Variants in SH3KBP1 observed in about 807,000 individuals in gnomAD.
SH3KBP1 encodes the protein SH3 domain-containing kinase-binding protein 1.
In SH3KBP1, 8 loss-of-function variants were observed where a neutral mutation model predicts 50.1. That is an observed-to-expected ratio of 0.16 (90% CI 0.09 to 0.29). SH3KBP1 has a LOEUF of 0.29. SH3KBP1 is among the 10% of genes least tolerant of loss of function. SH3KBP1 has a pLI of 1.00. For synonymous variants in SH3KBP1, 227 were observed against 218.6 expected, an observed-to-expected ratio of 1.04 and a Z score of -0.34; for missense variants, 377 against 535.2, an observed-to-expected ratio of 0.70 and a Z score of 2.92.
At chrX:19,739,162 C>G (rs762892631) in intron 3 of SH3KBP1, among the ~76,000 whole-genome samples, 94 of 110,267 alleles carry the variant, frequency 8.5e-4, no homozygotes, top group Non-Finnish European at 1.6e-3. Context: ...TAAGTCATAT[C>G]TGCAATATTA....
intron 12 of SH3KBP1, among the ~76,000 whole-genome samples, chrX:19,583,165 A>ATTATTATTT: frequency 1.0e-5 from 1 of 96,558 alleles, no homozygotes; most frequent in South Asian, 4.4e-4. Flanking sequence ...TATTATTATT[A>ATTATTATTT]TTTTTGAGAC....
intron 5 of SH3KBP1, among the ~76,000 whole-genome samples, chrX:19,686,314 T>C (rs1168123891): frequency 8.9e-6 from 1 of 111,974 alleles, no homozygotes; most frequent in Non-Finnish European, 1.9e-5. Flanking sequence ...TAGTGATATA[T>C]CTTTTAGTGA....
At chrX:19,828,556 C>G (rs928555962) in intron 2 of SH3KBP1, among the ~76,000 whole-genome samples, 1 of 110,299 alleles carries the variant, frequency 9.1e-6, no homozygotes, top group Non-Finnish European at 1.9e-5. Context: ...CTGAGGCGGG[C>G]GGATCACTTG....
chrX:19,687,384 A>G lies in SH3KBP1; in HGVS notation c.521-3356T>C, dbSNP rs957577621. Among the ~76,000 whole-genome samples the G allele has an allele frequency of 5.3e-5, 6 of 112,412 alleles. No individual in the cohort carries two copies. In the East Asian group the frequency reaches 1.1e-3, roughly 21 times the overall value. On this transcript the variant is annotated intron_variant, in intron 5 of 17. Transcript: ENST00000397821. ...TGGCTCATGCACGCATATCACATAC[A>G]TGATAGAGGCAGAAAGCAAACAAAA... is the stretch of plus-strand genomic sequence containing the variant.
chrX:19,822,996 C>G (rs2067570306), intron 2 of SH3KBP1, among the ~76,000 whole-genome samples: 2 of 112,087 alleles, frequency 1.8e-5, no homozygotes, highest in Admixed American at 1.9e-4. Flanking sequence ...GATTCACATG[C>G]AGGTGGGTTA....
intron 12 of SH3KBP1, among the ~76,000 whole-genome samples, chrX:19,577,231 T>C (rs2066229084): frequency 9.0e-6 from 1 of 111,240 alleles, no homozygotes; most frequent in Non-Finnish European, 1.9e-5. Context: ...TGATTAAGGG[T>C]CATAAAAGCA....
chrX:19,788,269 C>CAAAAAAAAAAAAAAAAA (rs1227301099), intron 2 of SH3KBP1, among the ~76,000 whole-genome samples: 2 of 25,583 alleles, frequency 7.8e-5, no homozygotes, highest in African/African-American at 2.0e-4. Flanking sequence ...ATTCTATCTC[C>CAAAAAAAAAAAAAAAAA]AAAAAAAAAA....
chrX:19,821,036 A>G (rs2067509956), intron 2 of SH3KBP1, among the ~76,000 whole-genome samples: 1 of 111,694 alleles, frequency 9.0e-6, no homozygotes, highest in Non-Finnish European at 1.9e-5. Flanking sequence ...ACCTCAATAT[A>G]TATTGGATAC....
At chrX:19,765,014 T>TA (rs1884346377) in intron 2 of SH3KBP1, among the ~76,000 whole-genome samples, 2 of 96,152 alleles carry the variant, frequency 2.1e-5, no homozygotes, top group Non-Finnish European at 4.2e-5. Context: ...TTTTTTTTTT[T>TA]AAGTAGAGAC....
intron 5 of SH3KBP1, chrX:19,687,568 T>C: frequency 9.7e-7 from 1 of 1,030,830 alleles, no homozygotes. Flanking sequence ...AAAACACAAG[T>C]ACCCAGATCT....
At chrX:19,849,924 C>T (rs1338551191) in intron 1 of SH3KBP1, among the ~76,000 whole-genome samples, 1 of 110,945 alleles carries the variant, frequency 9.0e-6, no homozygotes. Context: ...GAAACACTTC[C>T]GGATTGTTAA....
intron 12 of SH3KBP1, among the ~76,000 whole-genome samples, chrX:19,573,507 G>A (rs1363268869): frequency 9.0e-6 from 1 of 111,635 alleles, no homozygotes; most frequent in East Asian, 2.8e-4. Flanking sequence ...GGATGGTCTT[G>A]AATTCCTGAC....
intron 16 of SH3KBP1, among the ~76,000 whole-genome samples, chrX:19,538,656 G>A (rs186288469): frequency 1.8e-5 from 2 of 109,692 alleles, no homozygotes; most frequent in African/African-American, 6.7e-5. Context: ...GGGTGATCTC[G>A]GTTCACTGCA....
chrX:19,693,512 C>T (rs1351096092), intron 5 of SH3KBP1, among the ~76,000 whole-genome samples: 1 of 111,598 alleles, frequency 9.0e-6, no homozygotes, highest in African/African-American at 3.3e-5. Context: ...TCAAAATCCC[C>T]TCAAAAATGG....
intron 2 of SH3KBP1, among the ~76,000 whole-genome samples, chrX:19,783,219 T>C (rs1042401501): frequency 8.9e-6 from 1 of 112,389 alleles, no homozygotes; most frequent in Non-Finnish European, 1.9e-5. Context: ...TTTTTCTTTC[T>C]TTGAAAAGCA....
intron 7 of SH3KBP1, among the ~76,000 whole-genome samples, chrX:19,644,684 T>C (rs974645278): frequency 5.3e-5 from 6 of 112,417 alleles, no homozygotes; most frequent in African/African-American, 1.9e-4. Context: ...AAGTATCTCA[T>C]TTAATAATTT....
chrX:19,773,982 A>G (rs1219602397), intron 2 of SH3KBP1, among the ~76,000 whole-genome samples: 1 of 109,412 alleles, frequency 9.1e-6, no homozygotes, highest in Non-Finnish European at 1.9e-5. Context: ...GGGGAGAAGA[A>G]GCTCATGTCC....
intron 2 of SH3KBP1, among the ~76,000 whole-genome samples, chrX:19,773,224 G>A (rs1221543914): frequency 9.0e-6 from 1 of 111,251 alleles, no homozygotes; most frequent in East Asian, 2.8e-4. Context: ...CTGGCTCTCC[G>A]AGCTGTCACT....
intron 2 of SH3KBP1, among the ~76,000 whole-genome samples, chrX:19,824,886 G>A (rs767100982): frequency 1.3e-4 from 14 of 111,799 alleles, no homozygotes; most frequent in African/African-American, 4.5e-4. Flanking sequence ...TAACACACTT[G>A]TACTTAATTA....
Sources: gnomAD v4.1 joint callset for allele counts (sites outside exome capture counted in the v4.1 genomes callset) on GRCh38, gnomAD v4.1.1 for gene constraint, MANE v1.5 for transcripts, NCBI Gene and HGNC (gene_info 2026-07-23, HGNC 2026-07-21) for gene names.